NPAS3: variants seen among roughly 807,000 people sequenced by gnomAD.
NPAS3 encodes neuronal PAS domain protein 3.
NPAS3 carries 14 observed loss-of-function variants against 73.1 expected under a neutral mutation model. That is an observed-to-expected ratio of 0.19 (90% CI 0.13 to 0.30). NPAS3 has a LOEUF of 0.30. NPAS3 is among the 10% of genes least tolerant of loss of function. The pLI, the probability that NPAS3 is intolerant of heterozygous loss-of-function variation, is 1.00. For synonymous variants in NPAS3, 620 were observed against 541.5 expected, an observed-to-expected ratio of 1.14 and a Z score of -2.01; for missense variants, 1,096 against 1,250.0, an observed-to-expected ratio of 0.88 and a Z score of 1.86.
chr14:32,995,614 C>G (rs1005299291), intron 1 of NPAS3, among the ~76,000 whole-genome samples: 1 of 152,196 alleles, frequency 6.6e-6, no homozygotes, highest in Non-Finnish European at 1.5e-5. Context: ...CCATGCTGTT[C>G]TTGTGATAGC....
chr14:33,608,114 A>G (rs1595266247), intron 5 of NPAS3, among the ~76,000 whole-genome samples: 1 of 152,216 alleles, frequency 6.6e-6, no homozygotes, highest in East Asian at 1.9e-4. Context: ...AAATCTGAGG[A>G]CATTTAGAAA....
Position 33,083,178 on chromosome 14 carries a change from C to CAAAAA in NPAS3, c.140+27216_140+27220dup, listed in dbSNP as rs57147759. ...AGCCTGGGTAATGGCGAGACTGTCT[C>CAAAAA]AAAAAAAAAAAAAAAAAAAAAAAAA... On this transcript the variant is annotated intron_variant, in intron 2 of 11. Coordinates refer to ENST00000356141, the Ensembl canonical transcript of NPAS3. Among the ~76,000 whole-genome samples, 26 of 65,016 alleles carry CAAAAA rather than the reference C, an allele frequency of 4.0e-4. 1 individual carries two copies. The highest frequency in any genetic ancestry group is 5.7e-4 in the South Asian group (1 of 1,744). 42.7% of individuals were successfully genotyped at this position (65,016 alleles called of 152,430 possible).
At chr14:33,767,038 G>A (rs2062484996) in intron 7 of NPAS3, among the ~76,000 whole-genome samples, 1 of 152,184 alleles carries the variant, frequency 6.6e-6, no homozygotes, top group Admixed American at 6.5e-5. Flanking sequence ...AAGGTCTAAG[G>A]GCTCCTCCTT....
chr14:33,075,216 A>G (rs897840867), intron 2 of NPAS3, among the ~76,000 whole-genome samples: 37 of 152,278 alleles, frequency 2.4e-4, no homozygotes, highest in African/African-American at 8.7e-4. Flanking sequence ...GATTTCTTAA[A>G]AATATCTTGG....
chr14:33,582,429 T>C (rs1459331687), intron 5 of NPAS3, among the ~76,000 whole-genome samples: 1 of 152,198 alleles, frequency 6.6e-6, no homozygotes, highest in African/African-American at 2.4e-5. Context: ...TGCTGTAGAA[T>C]TTGCACAGGA....
chr14:33,568,776 G>A (rs918812578), intron 5 of NPAS3, among the ~76,000 whole-genome samples: 3 of 152,154 alleles, frequency 2.0e-5, no homozygotes, highest in Admixed American at 1.3e-4. Flanking sequence ...TAAGGAAATT[G>A]ACTTTAGATT....
rs761517715 is a variant in NPAS3 at position 33,800,596 on chromosome 14, CGGCGGG to C, written c.2307_2312del (p.Gly771_Gly772del). ...CGCGGGACAAGCACCCCGGGAACGG[CGGCGGG>C]GGCGGGGGCGGGGGCGGCGGCGCGG... On this transcript the variant is annotated inframe_deletion, in exon 12 of 12. Transcript: ENST00000356141. The surrounding 1 kb of genome is among the most constrained non-coding windows in gnomAD (Gnocchi z 6.5). The C allele has an allele frequency of 2.9e-3, 3,834 of 1,299,934 alleles. 18 individuals carry two copies. The highest frequency in any genetic ancestry group is 4.4e-3 in the South Asian group (166 of 38,122). The allele number at this position is 1,299,934 out of a possible 1,614,324, so 80.5% of individuals were successfully genotyped here. A position where few individuals can be genotyped will look rare whatever the true frequency, so the allele number is the denominator to read the frequency against.
chr14:33,080,633 A>G (rs189760077), intron 2 of NPAS3, among the ~76,000 whole-genome samples: 1 of 152,330 alleles, frequency 6.6e-6, no homozygotes, highest in Admixed American at 6.5e-5. Flanking sequence ...GCATTGAAAT[A>G]AAACATTTGA....
chr14:33,775,309 C>T (rs2062778183), intron 8 of NPAS3, among the ~76,000 whole-genome samples: 1 of 152,158 alleles, frequency 6.6e-6, no homozygotes, highest in Admixed American at 6.5e-5. Flanking sequence ...GGGAAGGAAG[C>T]TCTGGCGATA....
intron 2 of NPAS3, among the ~76,000 whole-genome samples, chr14:33,186,818 A>C (rs544543040): frequency 6.6e-6 from 1 of 152,250 alleles, no homozygotes; most frequent in East Asian, 1.9e-4. Flanking sequence ...AGTGTTTCCC[A>C]GCTAGGGATG....
intron 2 of NPAS3, among the ~76,000 whole-genome samples, chr14:33,119,840 T>C (rs191880875): frequency 1.3e-5 from 2 of 152,110 alleles, no homozygotes; most frequent in African/African-American, 4.8e-5. Flanking sequence ...ATGGTTCTGC[T>C]CTAGTTAGAG....
chr14:33,669,176 G>C (rs887423735), intron 5 of NPAS3, among the ~76,000 whole-genome samples: 1 of 152,020 alleles, frequency 6.6e-6, no homozygotes, highest in Admixed American at 6.6e-5. Flanking sequence ...AAAAGAAACC[G>C]ACTTCAGTTA....
At chr14:33,669,175 C>T (rs148138318) in intron 5 of NPAS3, among the ~76,000 whole-genome samples, 193 of 152,174 alleles carry the variant, frequency 1.3e-3, no homozygotes, top group African/African-American at 4.5e-3. Flanking sequence ...AAAAAGAAAC[C>T]GACTTCAGTT....
chr14:33,157,294 A>G (rs986335729), intron 2 of NPAS3, among the ~76,000 whole-genome samples: 1 of 152,096 alleles, frequency 6.6e-6, no homozygotes, highest in Non-Finnish European at 1.5e-5. Context: ...TAAACACAGA[A>G]CTCTTCTTTA....
chr14:33,600,223 G>T (rs1412354600), intron 5 of NPAS3, among the ~76,000 whole-genome samples: 1 of 152,178 alleles, frequency 6.6e-6, no homozygotes, highest in Non-Finnish European at 1.5e-5. Context: ...TTGAAAAACT[G>T]TTTGACTAGT....
chr14:33,203,804 G>A (rs28451016), intron 2 of NPAS3, among the ~76,000 whole-genome samples: 32,174 of 152,112 alleles, frequency 0.21, 3,833 homozygotes, highest in South Asian at 0.38. Flanking sequence ...TGTCTTTATA[G>A]CAGCATGATT....
At chr14:33,240,355 C>T (rs543398015) in intron 3 of NPAS3, among the ~76,000 whole-genome samples, 21 of 151,690 alleles carry the variant, frequency 1.4e-4, no homozygotes, top group African/African-American at 4.3e-4. Flanking sequence ...TTTTGGGTCC[C>T]TACTCTTATT....
At chr14:33,650,186 C>T (rs1416715028) in intron 5 of NPAS3, among the ~76,000 whole-genome samples, 8 of 152,258 alleles carry the variant, frequency 5.3e-5, no homozygotes, top group Admixed American at 3.3e-4. Flanking sequence ...GAAAATCTTG[C>T]GCATTGTAAC....
intron 4 of NPAS3, among the ~76,000 whole-genome samples, chr14:33,416,615 C>T (rs1348935548): frequency 6.6e-6 from 1 of 151,886 alleles, no homozygotes; most frequent in African/African-American, 2.4e-5. Context: ...GTTCTATTGG[C>T]TTATCTTCTT....
Sources: allele counts gnomAD v4.1 joint callset (sites outside exome capture counted in the v4.1 genomes callset), GRCh38; gene constraint gnomAD v4.1.1; non-coding constraint Gnocchi (gnomAD v3.1); transcripts MANE v1.5; gene names NCBI Gene and HGNC (gene_info 2026-07-23, HGNC 2026-07-21).